Variants in EHD2 observed in about 807,000 individuals in gnomAD.
The protein encoded by EHD2 is EH domain-containing protein 2.
EHD2 carries 27 observed loss-of-function variants against 41.0 expected under a neutral mutation model. That is an observed-to-expected ratio of 0.66 (90% CI 0.49 to 0.91). EHD2 has a LOEUF of 0.91. EHD2 is among the 40% of genes least tolerant of loss of function. EHD2 has a pLI of 0.00. For missense variants in EHD2, 673 were observed against 773.9 expected (o/e 0.87, Z 1.55); for synonymous variants, 342 against 341.0 (o/e 1.00, Z -0.03).
Position 47,726,069 on chromosome 19 carries a change from A to G in EHD2, c.760A>G (p.Ile254Val). 1.3e-6 allele frequency: 2 copies of G among 1,581,432 alleles called. No homozygotes were observed. Among genetic ancestry groups the G allele is most frequent in the Non-Finnish European group, 1.7e-6 (2 of 1,164,528 alleles). ...CACGCCCGAGGTGCTGCGCGTCTACATCGGCTCCTTCTGGTCCCAGCCCCT... is the reference window on the plus strand; with the variant it reads ...CACGCCCGAGGTGCTGCGCGTCTACGTCGGCTCCTTCTGGTCCCAGCCCCT... ...VGTPEVLRVY[I>V]GSFWSQPLLV... The change falls in exon 4 of 6, where the codon ATC becomes GTC. Residue 254 changes from isoleucine to valine, a missense_variant. Ile to Val is a conservative substitution (Grantham distance 29). Transcript: ENST00000263277.
intron 3 of EHD2, among the ~76,000 whole-genome samples, chr19:47,720,785 G>C (rs536559406): frequency 6.6e-6 from 1 of 152,126 alleles, no homozygotes; most frequent in Admixed American, 6.6e-5. Context: ...GGGACTGTGT[G>C]TGACTACCTG....
chr19:47,732,430 T>A (rs565645334), intron 4 of EHD2, among the ~76,000 whole-genome samples: 1 of 151,142 alleles, frequency 6.6e-6, no homozygotes, highest in Non-Finnish European at 1.5e-5. Context: ...ATTTATTCAT[T>A]TTTTTAGAGA....
intron 4 of EHD2, among the ~76,000 whole-genome samples, chr19:47,735,476 TA>T (rs1347127998): frequency 2.6e-5 from 4 of 152,158 alleles, no homozygotes; most frequent in Admixed American, 6.5e-5. Context: ...CTCTTGCCTG[TA>T]ATCCCAGCTA....
chr19:47,718,386 G>A (rs2123635647), intron 2 of EHD2, 123 bp from the exon 3 acceptor site: 5 of 767,130 alleles, frequency 6.5e-6, no homozygotes, highest in Middle Eastern at 2.4e-4. Context: ...TTTCTGTCCG[G>A]TGTCTTTCTT....
intron 4 of EHD2, among the ~76,000 whole-genome samples, chr19:47,734,856 C>T (rs554489002): frequency 6.6e-6 from 1 of 152,048 alleles, no homozygotes; most frequent in East Asian, 1.9e-4. Flanking sequence ...GGTTCGAGAC[C>T]AGTCTGGCCA....
intron 4 of EHD2, among the ~76,000 whole-genome samples, chr19:47,729,377 C>G (rs528320937): frequency 1.9e-4 from 29 of 152,100 alleles, no homozygotes; most frequent in African/African-American, 7.0e-4. Flanking sequence ...TGAAAAAGTT[C>G]GGAGCAGGGA....
intron 4 of EHD2, chr19:47,731,279 AATATATATAT>A (rs1172889255): frequency 1.6e-5 from 1 of 60,928 alleles, no homozygotes; most frequent in African/African-American, 4.9e-5. Context: ...AAAAAAAAAA[AATATATATAT>A]ATATATATAT....
At chr19:47,721,395 A>G (rs1599889463) in intron 3 of EHD2, among the ~76,000 whole-genome samples, 1 of 151,232 alleles carries the variant, frequency 6.6e-6, no homozygotes, top group Non-Finnish European at 1.5e-5. Context: ...GCTCGCTGCA[A>G]CCTCCGCCTC....
At chr19:47,731,279 A>AAATATATATATATATGTATATATATAT in intron 4 of EHD2, 1 of 60,928 alleles carries the variant, frequency 1.6e-5, no homozygotes, top group Non-Finnish European at 3.7e-5. Flanking sequence ...AAAAAAAAAA[A>AAATATATATATATATGTATATATATAT]ATATATATAT....
At chr19:47,737,231 C>CAAA (rs34395536) in intron 5 of EHD2, among the ~76,000 whole-genome samples, 1 of 64,736 alleles carries the variant, frequency 1.5e-5, no homozygotes, top group African/African-American at 3.9e-5. Flanking sequence ...GACTCCGTCT[C>CAAA]AAAAAAAAAA....
chr19:47,738,467 T>A (rs1966948366), intron 5 of EHD2, among the ~76,000 whole-genome samples: 1 of 151,642 alleles, frequency 6.6e-6, no homozygotes, highest in Admixed American at 6.6e-5. Context: ...CACGCCCAGC[T>A]AATTTTGTAT....
intron 4 of EHD2, among the ~76,000 whole-genome samples, chr19:47,726,472 C>T (rs1385119963): frequency 1.3e-5 from 2 of 149,844 alleles, no homozygotes; most frequent in African/African-American, 4.9e-5. Context: ...TTTCTTCTTC[C>T]TCTTCCTCCT....
intron 2 of EHD2, among the ~76,000 whole-genome samples, chr19:47,717,928 G>C (rs1172361219): frequency 7.0e-6 from 1 of 142,542 alleles, no homozygotes; most frequent in Non-Finnish European, 1.5e-5. Flanking sequence ...AAAAAAAAAA[G>C]GGATCAGGAT....
chr19:47,717,906 T>TAA (rs749665768), intron 2 of EHD2, among the ~76,000 whole-genome samples: 2 of 93,860 alleles, frequency 2.1e-5, no homozygotes, highest in Admixed American at 1.3e-4. Context: ...AGACTCTGTC[T>TAA]AAAAAAAAAA....
In EHD2 at chr19:47,741,371, C is replaced by A. The variant is rs781210448; in HGVS notation, c.1571C>A (p.Ala524Asp). The change falls in exon 6 of 6, where the codon GCC (alanine) becomes GAC (aspartate). Residue 524 changes from alanine to aspartate, a missense_variant. By Grantham distance (126) the Ala-to-Asp change is moderately radical. Transcript: ENST00000263277. This position sits in a 1 kb window ranked among gnomAD's most constrained non-coding sequence, Gnocchi z 4.5. ...EAKLEGHGLPANLPRRLVPPS... is the reference protein window; with the variant it reads ...EAKLEGHGLPDNLPRRLVPPS... ...AAGCTGGAAGGCCACGGGCTGCCCG[C>A]CAACCTGCCCCGTCGCCTGGTGCCA... 41 of 1,605,554 alleles carry A rather than the reference C, an allele frequency of 2.6e-5. No individual in the cohort carries two copies. Among genetic ancestry groups the A allele is most frequent in the Admixed American group, 6.7e-5 (4 of 59,736 alleles).
At chr19:47,735,022 A>G (rs1212438207) in intron 4 of EHD2, among the ~76,000 whole-genome samples, 1 of 152,210 alleles carries the variant, frequency 6.6e-6, no homozygotes, top group African/African-American at 2.4e-5. Flanking sequence ...ACTGTCCTCC[A>G]GCCTGGGTGA....
At chr19:47,736,969 C>T (rs373490975) in intron 5 of EHD2, among the ~76,000 whole-genome samples, 7 of 152,078 alleles carry the variant, frequency 4.6e-5, no homozygotes, top group Non-Finnish European at 8.8e-5. Context: ...TGGTGGCTCA[C>T]GCCTGTAATC....
chr19:47,715,383 C>G (rs1568586829), intron 1 of EHD2, among the ~76,000 whole-genome samples: 1 of 152,102 alleles, frequency 6.6e-6, no homozygotes, highest in Non-Finnish European at 1.5e-5. Context: ...CTGCCTAAAT[C>G]CCCTTGTCTT....
chr19:47,723,649 G>T (rs1201081827), intron 3 of EHD2, among the ~76,000 whole-genome samples: 1 of 90,512 alleles, frequency 1.1e-5, no homozygotes, highest in Non-Finnish European at 2.0e-5. Context: ...GCGAGACTCC[G>T]TCTGAAAAAA....
Sources: gnomAD v4.1 joint callset for allele counts (sites outside exome capture counted in the v4.1 genomes callset) on GRCh38, gnomAD v4.1.1 for gene constraint, Gnocchi (gnomAD v3.1) non-coding constraint, MANE v1.5 for transcripts, NCBI Gene and HGNC (gene_info 2026-07-23, HGNC 2026-07-21) for gene names.